The following NF2 variants were observed in gnomAD, a reference collection of about 807,000 sequenced individuals.
NF2 encodes the protein NF2, moesin-ezrin-radixin like (MERLIN) tumor suppressor, also known as merlin.
A neutral mutation model predicts 83.7 loss-of-function variants in NF2; 8 were observed. The ratio of observed to expected loss-of-function variants is 0.10; its 90% CI spans 0.06 to 0.17. NF2 has a LOEUF of 0.17. Among genes scored for constraint, NF2 ranks in the 10% least tolerant of loss-of-function variants. NF2 has a pLI of 1.00. For missense variants in NF2, 533 were observed against 744.4 expected, an observed-to-expected ratio of 0.72 and a Z score of 3.31; for synonymous variants, 266 against 269.6, an observed-to-expected ratio of 0.99 and a Z score of 0.13.
At chr22:29,674,999 C>T in intron 13 of NF2, 58 bp downstream of exon 13, 6 of 1,439,504 alleles carry the variant, frequency 4.2e-6, no homozygotes, top group Admixed American at 3.9e-5. Flanking sequence ...TCTCTTTCCT[C>T]CCGGCCCTTC....
chr22:29,671,737 A>G lies in NF2; in HGVS notation c.1000-89A>G, dbSNP rs1015539628. ...GGAAGGAAAAAGGTCCCAAAAGGGG[A>G]GACTGGAGATGGGGCATCTTTGGGC... On this transcript the variant is annotated intron_variant, in intron 10 of 15. Transcript: ENST00000338641. 3.2e-6 allele frequency: 5 copies of G among 1,585,044 alleles called. No individual in the cohort carries two copies. The Admixed American group carries it at 8.4e-5, about 27-fold the overall frequency.
At position 29,696,593 on chromosome 22, in the gene NF2, T is replaced by G. The variant is rs988457327; in HGVS notation, c.*1791T>G. On this transcript the variant is annotated 3_prime_UTR_variant, in exon 16 of 16. Transcript: ENST00000338641. ...TACTATCAGGCTGACCTAATGGGGT[T>G]GGGCTGCTCGGCAACTGCTTGGGTC... The G allele has an allele frequency of 3.7e-5, 8 of 215,260 alleles. No homozygotes were observed. The highest frequency in any genetic ancestry group is 3.5e-4 in the Admixed American group (6 of 17,192). 13.3% of individuals were successfully genotyped at this position (215,260 alleles called of 1,614,324 possible).
chr22:29,670,506 T>G (rs1459239762), intron 10 of NF2, among the ~76,000 whole-genome samples: 1 of 50,408 alleles, frequency 2.0e-5, no homozygotes, highest in Non-Finnish European at 5.5e-5. Context: ...TTTGAGCTTG[T>G]GTGTGTGTGT....
rs2146869241 is a variant in NF2 at position 29,639,078 on chromosome 22, G to C, written c.241-12G>C. 1 of 1,614,180 alleles carries C rather than the reference G, an allele frequency of 6.2e-7. No individual in the cohort carries two copies. The highest frequency in any genetic ancestry group is 8.5e-7 in the Non-Finnish European group (1 of 1,180,034). ...ATATAGTGTGTTTGTCTTTTGCTCTGCAATTCTGCAGGTACTGGATCATGA... is the reference window on the plus strand; with the variant it reads ...ATATAGTGTGTTTGTCTTTTGCTCTCCAATTCTGCAGGTACTGGATCATGA... On this transcript the variant is annotated splice_polypyrimidine_tract_variant and intron_variant, in intron 2 of 15. Transcript: ENST00000338641.
intron 4 of NF2, among the ~76,000 whole-genome samples, chr22:29,644,810 A>G (rs954390904): frequency 6.6e-6 from 1 of 152,172 alleles, no homozygotes; most frequent in Non-Finnish European, 1.5e-5. Flanking sequence ...AATTGCAGGC[A>G]CTCGGCAGGC....
At chr22:29,622,799 G>C (rs1216298705) in intron 1 of NF2, among the ~76,000 whole-genome samples, 1 of 151,496 alleles carries the variant, frequency 6.6e-6, no homozygotes, top group African/African-American at 2.4e-5. Context: ...GGGATTATGG[G>C]TGTGCACCAC....
rs539338421 is a variant in NF2 at position 29,659,516 on chromosome 22, T to G, written c.675+1252T>G. Among the ~76,000 whole-genome samples the G allele has an allele frequency of 2.0e-5, 3 of 152,350 alleles. No individual in the cohort carries two copies. The East Asian group carries it at 5.8e-4, about 29-fold the overall frequency. ...CTACATCAGTCAGACTAATGGATAC[T>G]GTTTTTTGTGTGTGTTTCCTATATT... is the stretch of plus-strand genomic sequence containing the variant. On this transcript the variant is annotated intron_variant, in intron 7 of 15. Coordinates refer to ENST00000338641, the MANE Select transcript of NF2 (RefSeq NM_000268.4).
chr22:29,639,230 AC>A lies in NF2; in HGVS notation c.363+24del, dbSNP rs747050136. 3.1e-6 allele frequency: 5 copies of A among 1,613,748 alleles called. No individual in the cohort carries two copies. The highest frequency in any genetic ancestry group is 1.1e-5 in the South Asian group (1 of 91,058). ...TCTTACAGGTACATCAGTCAAGGCT[AC>A]CCCCCAGTTCTGAGAGAACTTGCCC... is the stretch of plus-strand genomic sequence containing the variant. On this transcript the variant is annotated intron_variant, in intron 3 of 15. Transcript: ENST00000338641.
chr22:29,619,386 T>TTTG (rs2065156185), intron 1 of NF2, among the ~76,000 whole-genome samples: 17 of 148,606 alleles, frequency 1.1e-4, no homozygotes, highest in East Asian at 4.1e-4. Flanking sequence ...CATGGGTTTT[T>TTTG]TTTGTTTGTT....
rs958635149 is a variant in NF2, at chr22:29,694,418, G to C, written c.1738-334G>C. Among the ~76,000 whole-genome samples the C allele has an allele frequency of 1.3e-5, 2 of 152,194 alleles. No individual in the cohort carries two copies. Among genetic ancestry groups the C allele is most frequent in the African/African-American group, 4.8e-5 (2 of 41,462 alleles). On this transcript the variant is annotated intron_variant, in intron 15 of 15. Coordinates refer to ENST00000338641, the MANE Select transcript of NF2 (RefSeq NM_000268.4). This position sits in a 1 kb window ranked among gnomAD's most constrained non-coding sequence, Gnocchi z 4.1. ...ACAGCACACCACAGAGGTGGCTCAGGGACCTTGGTAGATGGGAATGTGAGA... is the reference window on the plus strand; with the variant it reads ...ACAGCACACCACAGAGGTGGCTCAGCGACCTTGGTAGATGGGAATGTGAGA...
intron 14 of NF2, among the ~76,000 whole-genome samples, chr22:29,680,978 A>G (rs2067115337): frequency 6.6e-6 from 1 of 151,768 alleles, no homozygotes; most frequent in South Asian, 2.1e-4. Flanking sequence ...AAAGCTGTCC[A>G]TGAGAGCTGG....
chr22:29,631,380 C>A (rs1349639359), intron 1 of NF2, among the ~76,000 whole-genome samples: 1 of 152,106 alleles, frequency 6.6e-6, no homozygotes, highest in Non-Finnish European at 1.5e-5. Flanking sequence ...AGACCCAGGC[C>A]CGAGTTGTGT....
rs201248951 is a variant in NF2, at chr22:29,689,061, TC to T, written c.1738-5689del. On this transcript the variant is annotated intron_variant, in intron 15 of 15. Coordinates refer to ENST00000338641, the MANE Select transcript of NF2 (RefSeq NM_000268.4). ...GGGCGTGGTGGCATGCGCCTGTAGT[TC>T]CAGCTACTCAGGAGGCTGAGGCAGG... Among the ~76,000 whole-genome samples the T allele has an allele frequency of 7.5e-3, 1,142 of 151,558 alleles. 15 individuals carry two copies. Among genetic ancestry groups the T allele is most frequent in the African/African-American group, 0.026 (1,087 of 41,256 alleles).
At position 29,658,364 on chromosome 22, in the gene NF2, C is replaced by T. The variant is rs2066377388; in HGVS notation, c.675+100C>T. 4.9e-6 allele frequency: 5 copies of T among 1,021,466 alleles called. No individual in the cohort carries two copies. The South Asian group carries it at 6.6e-5, about 13-fold the overall frequency. The allele number at this position is 1,021,466 out of a possible 1,614,324, so 63.3% of individuals were successfully genotyped here. On this transcript the variant is annotated intron_variant, in intron 7 of 15. Transcript: ENST00000338641. The stretch of plus-strand genomic sequence containing the variant: ...CTTCTTCATTCCAAGGCGATAGACT[C>T]TTTTATGGTTCTGTGGTAAAGAAGG...
At chr22:29,614,300 G>T (rs929362740) in intron 1 of NF2, among the ~76,000 whole-genome samples, 1 of 151,226 alleles carries the variant, frequency 6.6e-6, no homozygotes, top group Admixed American at 6.6e-5. Context: ...AAAGTAGGCC[G>T]GGTGCGGTGG....
intron 1 of NF2, chr22:29,608,803 A>G: frequency 4.0e-6 from 1 of 251,010 alleles, no homozygotes; most frequent in Non-Finnish European, 7.5e-6. Flanking sequence ...AATTGACCCA[A>G]GAAGAGACAC....
intron 15 of NF2, among the ~76,000 whole-genome samples, chr22:29,693,271 G>A (rs1036252652): frequency 6.6e-6 from 1 of 152,144 alleles, no homozygotes; most frequent in East Asian, 1.9e-4. Flanking sequence ...GCAAAAAAGC[G>A]CTCTCCATTC....
intron 4 of NF2, among the ~76,000 whole-genome samples, chr22:29,648,075 G>C (rs1881791242): frequency 6.6e-6 from 1 of 151,820 alleles, no homozygotes; most frequent in Non-Finnish European, 1.5e-5. Flanking sequence ...AAGTTGCAGA[G>C]AGCCAAGATC....
rs2067139282 is a variant in NF2, at chr22:29,681,619, C to G, written c.1737+18C>G. On this transcript the variant is annotated intron_variant, in intron 15 of 15. Transcript: ENST00000338641. ...TTAAAAAGGTACCCAGGGTCTCTTTCTTGTATTTTGCTGATCAGGACCATC... is the reference window on the plus strand; with the variant it reads ...TTAAAAAGGTACCCAGGGTCTCTTTGTTGTATTTTGCTGATCAGGACCATC... 6.2e-7 allele frequency: 1 copy of G among 1,613,522 alleles called. No homozygotes were observed. The highest frequency in any genetic ancestry group is 1.1e-5 in the South Asian group (1 of 91,082).
Sources: allele counts gnomAD v4.1 joint callset (sites outside exome capture counted in the v4.1 genomes callset), GRCh38; gene constraint gnomAD v4.1.1; non-coding constraint Gnocchi (gnomAD v3.1); transcripts MANE v1.5; gene names NCBI Gene and HGNC (gene_info 2026-07-23, HGNC 2026-07-21).